Variants in SCN1B observed in about 807,000 individuals in gnomAD.
The protein encoded by SCN1B is sodium voltage-gated channel beta subunit 1, also known as sodium channel regulatory subunit beta-1.
SCN1B carries 11 observed loss-of-function variants against 25.7 expected under a neutral mutation model. The observed-to-expected ratio is 0.43, with a 90% CI of 0.27 to 0.71. The LOEUF is 0.71. SCN1B is among the 30% of genes least tolerant of loss of function. SCN1B has a pLI of 0.21. For missense variants in SCN1B, 224 were observed against 291.5 expected (o/e 0.77, Z 1.69); for synonymous variants, 119 against 117.5 (o/e 1.01, Z -0.08).
chr19:35,033,348 C>T (rs1419039678), intron 2 of SCN1B, 151 bp from the exon 3 acceptor site: 17 of 1,501,962 alleles, frequency 1.1e-5, no homozygotes, highest in Non-Finnish European at 1.3e-5. Flanking sequence ...TAGCCCCCCA[C>T]CCCTGTGCCC....
chr19:35,030,917 G>C, intron 1 of SCN1B, 57 bp downstream of exon 1: 1 of 275,398 alleles, frequency 3.6e-6, no homozygotes, highest in Non-Finnish European at 6.2e-6. Flanking sequence ...CTGGCGGGGC[G>C]GCGGGAGTGG....
intron 2 of SCN1B, among the ~76,000 whole-genome samples, chr19:35,033,263 T>C (rs2151746267): frequency 6.6e-6 from 1 of 152,036 alleles, no homozygotes; most frequent in East Asian, 1.9e-4. Flanking sequence ...GGAGGATGAC[T>C]GAGGAACGTG....
chr19:35,032,435 A>G lies in SCN1B; in HGVS notation c.41-93A>G, dbSNP rs1161377979. On this transcript the variant is annotated intron_variant, in intron 1 of 5. Transcript: ENST00000262631. The surrounding 1 kb of genome is among the most constrained non-coding windows in gnomAD (Gnocchi z 4.3). ...TAGCATCCAGTCCTGTCTGCTGGTA[A>G]TCATTGAGGGGGGAACAGATGGTTT... The G allele has an allele frequency of 1.4e-6, 2 of 1,465,904 alleles. No individual in the cohort carries two copies. The highest frequency in any genetic ancestry group is 1.7e-5 in the Admixed American group (1 of 59,106). 90.8% of individuals were successfully genotyped at this position (1,465,904 alleles called of 1,614,324 possible).
chr19:35,033,139 G>C (rs1178309192), intron 2 of SCN1B, among the ~76,000 whole-genome samples: 2 of 152,142 alleles, frequency 1.3e-5, no homozygotes, highest in Non-Finnish European at 2.9e-5. Context: ...ACGTGCTGGA[G>C]AGTTGGGGTC....
Position 35,032,728 on chromosome 19 carries a change from A to C in SCN1B, c.207+34A>C, listed in dbSNP as rs369688072. On this transcript the variant is annotated intron_variant, in intron 2 of 5. Coordinates refer to ENST00000262631, the MANE Select transcript of SCN1B (RefSeq NM_001037.5). The surrounding 1 kb of genome is among the most constrained non-coding windows in gnomAD (Gnocchi z 4.3). ...GTGCCGGGAACGGGCATGGGAGGGCAGGGGTCCACGAGTGGGAGGCGGTGG... is the reference window on the plus strand; with the variant it reads ...GTGCCGGGAACGGGCATGGGAGGGCCGGGGTCCACGAGTGGGAGGCGGTGG... 9.9e-5 allele frequency: 160 copies of C among 1,610,906 alleles called. 1 individual carries two copies. The African/African-American group carries it at 1.9e-3, about 19-fold the overall frequency.
chr19:35,038,965 G>T (rs2064265068), intron 3 of SCN1B, 152 bp from the exon 4 acceptor site: 2 of 902,932 alleles, frequency 2.2e-6, no homozygotes, highest in Admixed American at 1.8e-5. Context: ...ACCCCCACCA[G>T]GCCTACCCAA....
Position 35,032,387 on chromosome 19 carries a change from G to C in SCN1B, c.41-141G>C. 2.3e-6 allele frequency: 2 copies of C among 881,354 alleles called. No homozygotes were observed. The highest frequency in any genetic ancestry group is 3.6e-6 in the Non-Finnish European group (2 of 554,930). The allele number at this position is 881,354 out of a possible 1,614,324, so 54.6% of individuals were successfully genotyped here. On this transcript the variant is annotated intron_variant, in intron 1 of 5. Coordinates refer to ENST00000262631, the MANE Select transcript of SCN1B (RefSeq NM_001037.5). The surrounding 1 kb of genome is among the most constrained non-coding windows in gnomAD (Gnocchi z 4.3). Reference sequence around the variant, plus strand: ...GGGATGAATGACTTGCTGAGGTCACGCAGTGAGTGACAGGGCTCAGCCTAG... The same window carrying C: ...GGGATGAATGACTTGCTGAGGTCACCCAGTGAGTGACAGGGCTCAGCCTAG...
intron 4 of SCN1B, 114 bp from the exon 5 acceptor site, chr19:35,039,521 C>T (rs1160021606): frequency 1.8e-6 from 2 of 1,127,246 alleles, no homozygotes; most frequent in African/African-American, 1.5e-5. Flanking sequence ...CTCCTTCTCT[C>T]TCTAACTAAG....
At chr19:35,039,333 G>A (rs943770846) in intron 4 of SCN1B, 75 bp downstream of exon 4, 16 of 1,593,360 alleles carry the variant, frequency 1.0e-5, no homozygotes, top group Non-Finnish European at 1.4e-5. Context: ...TCCGGAGCCC[G>A]GGCAGGGAGG....
rs200116490 is a variant in SCN1B at position 35,039,613 on chromosome 19, A to T, written c.591-22A>T. The T allele has an allele frequency of 1.9e-4, 301 of 1,613,778 alleles. 1 individual carries two copies. In the African/African-American group the frequency reaches 3.8e-3, roughly 20 times the overall value. On this transcript the variant is annotated intron_variant, in intron 4 of 5. Coordinates refer to ENST00000262631, the MANE Select transcript of SCN1B (RefSeq NM_001037.5). ...GTCGGTCTGATGATGGGGTCACTGT[A>T]TACCTGGCCTTTCCCCCACAGCTCG...
Position 35,030,799 on chromosome 19 carries a change from G to T in SCN1B, c.-22G>T, listed in dbSNP as rs926245012. 9.7e-7 allele frequency: 1 copy of T among 1,036,026 alleles called. No homozygotes were observed. The allele number at this position is 1,036,026 out of a possible 1,614,324, so 64.2% of individuals were successfully genotyped here. A position where few individuals can be genotyped will look rare whatever the true frequency, so the allele number is the denominator to read the frequency against. ...TTAATACCGGCGGCCCGGGAGGGGG[G>T]CGCAGCACGCGCCGCGCAGCCATGG... is the stretch of plus-strand genomic sequence containing the variant. On this transcript the variant is annotated 5_prime_UTR_variant, in exon 1 of 6. Transcript: ENST00000262631.
At position 35,032,631 on chromosome 19, in the gene SCN1B, G is replaced by T; in HGVS notation, c.144G>T (p.Glu48Asp). The change falls in exon 2 of 6, where the codon GAG (glutamate) becomes GAT (aspartate). Residue 48 changes from glutamate to aspartate, a missense_variant. Physicochemically the swap from Glu to Asp is conservative, Grantham distance 45 (BLOSUM62 2). Transcript: ENST00000262631. The surrounding 1 kb of genome is among the most constrained non-coding windows in gnomAD (Gnocchi z 4.3). ...ILCISCKRRS[E>D]TNAETFTEWT... The stretch of plus-strand genomic sequence containing the variant: ...GCATCTCCTGCAAGCGCCGCAGCGA[G>T]ACCAACGCTGAGACCTTCACCGAGT... 6.2e-7 allele frequency: 1 copy of T among 1,614,162 alleles called. No individual in the cohort carries two copies.
chr19:35,038,873 A>G (rs953824288), intron 3 of SCN1B: 144 of 537,942 alleles, frequency 2.7e-4, no homozygotes, highest in Middle Eastern at 1.1e-3. Context: ...TTGCAGAGCT[A>G]CGGCTTTTAG....
intron 2 of SCN1B, 82 bp from the exon 3 acceptor site, chr19:35,033,417 T>C: frequency 1.2e-6 from 2 of 1,601,368 alleles, no homozygotes; most frequent in Middle Eastern, 4.4e-4. Flanking sequence ...TTTGTGGGTG[T>C]CAGGGCAGGG....
chr19:35,033,535 G>A lies in SCN1B; in HGVS notation c.244G>A (p.Glu82Lys). ...TGAGAATGAGGTGTTGCAGCTGGAG[G>A]AGGATGAGCGCTTCGAGGGCCGCGT... ...RYENEVLQLE[E>K]DERFEGRVVW... The change falls in exon 3 of 6, where the codon GAG becomes AAG. Residue 82 changes from glutamate (E) to lysine (K), a missense_variant. Glu to Lys is a moderately conservative substitution (Grantham distance 56, BLOSUM62 1). This residue lies in a region of SCN1B where 126 missense variants were observed against 204.9 expected (regional missense o/e 0.61). Coordinates refer to ENST00000262631, the MANE Select transcript of SCN1B (RefSeq NM_001037.5). 3 of 1,614,038 alleles carry A rather than the reference G, an allele frequency of 1.9e-6. No individual in the cohort carries two copies. In the South Asian group the frequency reaches 3.3e-5, roughly 18 times the overall value.
At chr19:35,038,292 C>T (rs990256387) in intron 3 of SCN1B, 1 of 152,080 alleles carries the variant, frequency 6.6e-6, no homozygotes, top group Non-Finnish European at 1.5e-5. Flanking sequence ...GGTCCCCTGG[C>T]TGAACGCGTT....
In SCN1B at chr19:35,040,001, G is replaced by A. The variant is rs1357078226; in HGVS notation, c.*210G>A. 6.3e-6 allele frequency: 3 copies of A among 477,076 alleles called. No individual in the cohort carries two copies. The highest frequency in any genetic ancestry group is 1.2e-5 in the Non-Finnish European group (3 of 258,986). The allele number at this position is 477,076 out of a possible 1,614,324, so 29.6% of individuals were successfully genotyped here. ...GCTCCTGCCCCGCCGGCCGCGCACC[G>A]CCATGCATGATGGGTAAAGCAATAC... On this transcript the variant is annotated 3_prime_UTR_variant, in exon 6 of 6. Coordinates refer to ENST00000262631, the MANE Select transcript of SCN1B (RefSeq NM_001037.5).
rs1178197464 is a variant in SCN1B, at chr19:35,032,001, T to C, written c.41-527T>C. Among the ~76,000 whole-genome samples the C allele has an allele frequency of 6.6e-6, 1 of 151,994 alleles. No individual in the cohort carries two copies. The highest frequency in any genetic ancestry group is 2.4e-5 in the African/African-American group (1 of 41,356). ...GCTGTGGAGAGGGGCTGAGTGTGGG[T>C]CAGCCCCGGTTTCAGTGCCCACCTC... On this transcript the variant is annotated intron_variant, in intron 1 of 5. Coordinates refer to ENST00000262631, the MANE Select transcript of SCN1B (RefSeq NM_001037.5). The surrounding 1 kb of genome is among the most constrained non-coding windows in gnomAD (Gnocchi z 4.3).
At chr19:35,034,517 T>A in intron 3 of SCN1B, 2 of 218,724 alleles carry the variant, frequency 9.1e-6, no homozygotes, top group Non-Finnish European at 9.2e-6. Flanking sequence ...ATCCATCTTC[T>A]GCTCAGCATC....
Sources: gnomAD v4.1 joint callset for allele counts (sites outside exome capture counted in the v4.1 genomes callset) on GRCh38, gnomAD v4.1.1 for gene constraint, gnomAD v4.1.1 regional missense constraint, Gnocchi (gnomAD v3.1) non-coding constraint, MANE v1.5 for transcripts, NCBI Gene and HGNC (gene_info 2026-07-23, HGNC 2026-07-21) for gene names.